The following ST3GAL2 variants were observed in gnomAD, a reference collection of about 807,000 sequenced individuals.
The protein encoded by ST3GAL2 is CMP-N-acetylneuraminate-beta-galactosamide-alpha-2,3-sialyltransferase 2.
A neutral mutation model predicts 37.5 loss-of-function variants in ST3GAL2; 16 were observed. The observed-to-expected ratio is 0.43, with a 90% CI of 0.29 to 0.65. ST3GAL2 has a LOEUF of 0.65. ST3GAL2 is among the 30% of genes least tolerant of loss of function. The pLI is 0.17. For synonymous variants in ST3GAL2, 238 were observed against 202.9 expected, an observed-to-expected ratio of 1.17 and a Z score of -1.47; for missense variants, 383 against 487.8, an observed-to-expected ratio of 0.79 and a Z score of 2.02.
chr16:70,423,258 C>T (rs1048086573), intron 1 of ST3GAL2, among the ~76,000 whole-genome samples: 6 of 152,198 alleles, frequency 3.9e-5, no homozygotes, highest in Non-Finnish European at 7.4e-5. Flanking sequence ...CCTGTAATCC[C>T]AGCACTTTGG....
At chr16:70,437,845 G>A (rs187289655) in intron 1 of ST3GAL2, among the ~76,000 whole-genome samples, 186 of 152,262 alleles carry the variant, frequency 1.2e-3, no homozygotes, top group Admixed American at 2.3e-3. Context: ...GGAAGGGGTG[G>A]CCAACCAGCT....
chr16:70,436,561 GGA>G (rs1348988001), intron 1 of ST3GAL2, among the ~76,000 whole-genome samples: 1 of 151,784 alleles, frequency 6.6e-6, no homozygotes, highest in Non-Finnish European at 1.5e-5. Context: ...CTAGGGAGCT[GGA>G]GAGAGATGCA....
At chr16:70,430,117 C>T (rs2047779325) in intron 1 of ST3GAL2, among the ~76,000 whole-genome samples, 1 of 152,244 alleles carries the variant, frequency 6.6e-6, no homozygotes, top group African/African-American at 2.4e-5. Flanking sequence ...TCGGCCAGCC[C>T]AGGCCTCCAC....
chr16:70,407,496 T>G (rs2047600808), intron 1 of ST3GAL2, among the ~76,000 whole-genome samples: 1 of 152,138 alleles, frequency 6.6e-6, no homozygotes. Flanking sequence ...GGAGACCATT[T>G]ATCAATAAAT....
chr16:70,435,458 C>T (rs2047818467), intron 1 of ST3GAL2, among the ~76,000 whole-genome samples: 1 of 151,762 alleles, frequency 6.6e-6, no homozygotes, highest in South Asian at 2.1e-4. Context: ...ATTAGATGGG[C>T]GTGGTGGCGC....
At chr16:70,396,868 A>G (rs1157875906) in intron 2 of ST3GAL2, among the ~76,000 whole-genome samples, 2 of 152,156 alleles carry the variant, frequency 1.3e-5, no homozygotes, top group Non-Finnish European at 2.9e-5. Context: ...AGGAATTAAA[A>G]GTAGCAGAAA....
intron 3 of ST3GAL2, 116 bp downstream of exon 3, chr16:70,394,866 G>A: frequency 2.5e-6 from 3 of 1,190,530 alleles, no homozygotes; most frequent in Non-Finnish European, 3.6e-6. Context: ...TGGGAGGCAG[G>A]GCCCCACAGC....
intron 6 of ST3GAL2, among the ~76,000 whole-genome samples, 161 bp downstream of exon 6, chr16:70,382,644 G>T (rs948719510): frequency 6.6e-6 from 1 of 152,186 alleles, no homozygotes; most frequent in African/African-American, 2.4e-5. Flanking sequence ...AAACGTTTGG[G>T]AAAGGCATAT....
intron 3 of ST3GAL2, among the ~76,000 whole-genome samples, chr16:70,391,999 C>T (rs1266991258): frequency 6.6e-6 from 1 of 152,230 alleles, no homozygotes; most frequent in Non-Finnish European, 1.5e-5. Flanking sequence ...GCAGCCAGCC[C>T]AGGCTGGTTT....
In ST3GAL2 at chr16:70,394,976, G is replaced by C; in HGVS notation, c.533+6C>G. ...GAGCCCACCCTTGGGCTCCACAGGG[G>C]CTCACCTCATGATGAAGTTGTGCCC... On this transcript the variant is annotated splice_donor_region_variant and intron_variant, in intron 3 of 6. Transcript: ENST00000342907. 6.2e-7 allele frequency: 1 copy of C among 1,611,834 alleles called. No homozygotes were observed. The highest frequency in any genetic ancestry group is 8.5e-7 in the Non-Finnish European group (1 of 1,179,382).
At chr16:70,401,076 G>C (rs1054571166) in intron 1 of ST3GAL2, 1 of 152,286 alleles carries the variant, frequency 6.6e-6, no homozygotes, top group Non-Finnish European at 1.5e-5. Flanking sequence ...TCAGGGTCCC[G>C]CTCCCAGCTT....
At position 70,388,477 on chromosome 16, in the gene ST3GAL2, G is replaced by A; in HGVS notation, c.603C>T (p.Tyr201=). ...VGSRTTHHFM[Y]PESAKNLPAN... ...CGGGCAGGTTCTTGGCACTCTCAGG[G>A]TACATGAAATGGTGGGTGGTTCGGC... Residue 201 remains tyrosine (Y), a synonymous_variant, in exon 4 of 7, where the codon TAC becomes TAT. Transcript: ENST00000342907. 6.2e-7 allele frequency: 1 copy of A among 1,613,944 alleles called. No homozygotes were observed. The highest frequency in any genetic ancestry group is 8.5e-7 in the Non-Finnish European group (1 of 1,179,928).
chr16:70,396,854 T>C (rs574835900), intron 2 of ST3GAL2, among the ~76,000 whole-genome samples: 2 of 151,952 alleles, frequency 1.3e-5, no homozygotes, highest in African/African-American at 4.8e-5. Flanking sequence ...TGGGGCAAGG[T>C]AGAAGGAATT....
At chr16:70,388,296 C>G (rs1276847582) in intron 4 of ST3GAL2, 71 bp downstream of exon 4, 1 of 1,585,264 alleles carries the variant, frequency 6.3e-7, no homozygotes, top group Non-Finnish European at 8.6e-7. Context: ...ATCCTACAAT[C>G]TGGCCCCTAG....
chr16:70,438,052 G>C (rs1025168497), intron 1 of ST3GAL2, among the ~76,000 whole-genome samples: 1 of 152,230 alleles, frequency 6.6e-6, no homozygotes, highest in Non-Finnish European at 1.5e-5. Flanking sequence ...AAGCAAGAGG[G>C]AAGATGGGAG....
At chr16:70,404,070 A>G (rs560228028) in intron 1 of ST3GAL2, among the ~76,000 whole-genome samples, 15 of 152,156 alleles carry the variant, frequency 9.9e-5, no homozygotes, top group African/African-American at 1.9e-4. Flanking sequence ...TTTGAAGCTC[A>G]TGGGTGAGGT....
Position 70,383,034 on chromosome 16 carries a change from C to T in ST3GAL2, c.760-110G>A, listed in dbSNP as rs867874937. ...CTGTCAGAGACCTGTGCGTCTGTGT[C>T]TCCTGAATCGTGTGGCACCTGCTAG... On this transcript the variant is annotated intron_variant, in intron 5 of 6. Coordinates refer to ENST00000342907, the MANE Select transcript of ST3GAL2 (RefSeq NM_006927.4). The T allele has an allele frequency of 8.8e-5, 140 of 1,585,290 alleles. 1 individual carries two copies. In the Middle Eastern group the frequency reaches 1.0e-3, roughly 11 times the overall value.
intron 3 of ST3GAL2, among the ~76,000 whole-genome samples, chr16:70,392,925 C>T (rs1317681679): frequency 6.6e-6 from 1 of 152,088 alleles, no homozygotes; most frequent in Non-Finnish European, 1.5e-5. Flanking sequence ...GCTAGGACTA[C>T]AGGCTCACAC....
At chr16:70,428,488 C>A (rs879420229) in intron 1 of ST3GAL2, among the ~76,000 whole-genome samples, 1 of 152,230 alleles carries the variant, frequency 6.6e-6, no homozygotes, top group Non-Finnish European at 1.5e-5. Context: ...CCTGTAAGCA[C>A]AATTCTTTGT....
Sources: gnomAD v4.1 joint callset for allele counts (sites outside exome capture counted in the v4.1 genomes callset) on GRCh38, gnomAD v4.1.1 for gene constraint, MANE v1.5 for transcripts, NCBI Gene and HGNC (gene_info 2026-07-23, HGNC 2026-07-21) for gene names.